The following FHOD3 variants were observed in gnomAD, a reference collection of about 807,000 sequenced individuals.
FHOD3 encodes formin homology 2 domain containing 3, also known as FH1/FH2 domain-containing protein 3.
A neutral mutation model predicts 173.0 loss-of-function variants in FHOD3; 90 were observed. The observed-to-expected ratio is 0.52, with a 90% CI of 0.44 to 0.62. The LOEUF is 0.62. FHOD3 is among the 20% of genes least tolerant of loss of function. The pLI, the probability that FHOD3 is intolerant of heterozygous loss-of-function variation, is 0.00. For missense variants in FHOD3, 1,945 were observed against 2,034.7 expected (o/e 0.96, Z 0.85); for synonymous variants, 828 against 823.0 (o/e 1.01, Z -0.10).
chr18:36,487,098 G>T (rs2054232695), intron 3 of FHOD3, among the ~76,000 whole-genome samples: 1 of 152,138 alleles, frequency 6.6e-6, no homozygotes, highest in South Asian at 2.1e-4. Flanking sequence ...TCTGAGTAAA[G>T]CTTCTATGAA....
intron 14 of FHOD3, among the ~76,000 whole-genome samples, chr18:36,668,739 C>T (rs2037344498): frequency 6.6e-6 from 1 of 151,922 alleles, no homozygotes; most frequent in Admixed American, 6.6e-5. Context: ...AGTCTTTACC[C>T]CATGGGTTAT....
At chr18:36,667,232 A>G (rs1289111056) in intron 14 of FHOD3, among the ~76,000 whole-genome samples, 2 of 152,206 alleles carry the variant, frequency 1.3e-5, no homozygotes, top group Non-Finnish European at 2.9e-5. Flanking sequence ...TCGTCACTTA[A>G]TGATGGGGCT....
intron 6 of FHOD3, among the ~76,000 whole-genome samples, chr18:36,590,247 A>T (rs2059169212): frequency 6.6e-6 from 1 of 152,300 alleles, no homozygotes; most frequent in African/African-American, 2.4e-5. Flanking sequence ...GAGCTATGGG[A>T]TGAGCAGTGT....
At chr18:36,708,437 T>G (rs1381099793) in intron 17 of FHOD3, among the ~76,000 whole-genome samples, 3 of 152,262 alleles carry the variant, frequency 2.0e-5, no homozygotes, top group Non-Finnish European at 4.4e-5. Flanking sequence ...CGTATTGCTG[T>G]GTAACAAGTT....
intron 1 of FHOD3, among the ~76,000 whole-genome samples, chr18:36,321,315 G>A (rs1335961568): frequency 6.6e-6 from 1 of 151,964 alleles, no homozygotes; most frequent in Non-Finnish European, 1.5e-5. Context: ...TCCCATGTGT[G>A]GGCTATAGGA....
chr18:36,488,638 C>T (rs1231227545), intron 3 of FHOD3, among the ~76,000 whole-genome samples: 2 of 152,204 alleles, frequency 1.3e-5, no homozygotes, highest in Non-Finnish European at 2.9e-5. Flanking sequence ...GAGTATCTAG[C>T]TTGTGCCAGG....
chr18:36,393,144 C>T (rs2048381263), intron 3 of FHOD3, among the ~76,000 whole-genome samples: 4 of 152,232 alleles, frequency 2.6e-5, no homozygotes, highest in African/African-American at 9.6e-5. Context: ...GCCATGCTGG[C>T]CACATGCTTC....
chr18:36,465,439 G>A (rs934127747), intron 3 of FHOD3, among the ~76,000 whole-genome samples: 2 of 152,198 alleles, frequency 1.3e-5, no homozygotes, highest in Non-Finnish European at 2.9e-5. Flanking sequence ...ACTGGCGAGG[G>A]CTGAGGCTGT....
chr18:36,512,133 C>G (rs911782140), intron 4 of FHOD3, among the ~76,000 whole-genome samples: 1 of 152,228 alleles, frequency 6.6e-6, no homozygotes, highest in Non-Finnish European at 1.5e-5. Context: ...GGGAGTAGAG[C>G]CTGGTGTTTC....
At chr18:36,620,957 G>A (rs978934052) in intron 9 of FHOD3, among the ~76,000 whole-genome samples, 3 of 152,190 alleles carry the variant, frequency 2.0e-5, no homozygotes, top group Admixed American at 6.5e-5. Flanking sequence ...AGCTTGGTTA[G>A]CCTTCTAGAA....
chr18:36,585,448 GA>G (rs925385419), intron 6 of FHOD3, among the ~76,000 whole-genome samples: 2 of 151,220 alleles, frequency 1.3e-5, no homozygotes, highest in Admixed American at 6.6e-5. Flanking sequence ...ATCTCAGTAG[GA>G]AAAAAAAGGG....
chr18:36,482,115 G>A (rs1249264189), intron 3 of FHOD3, among the ~76,000 whole-genome samples: 1 of 152,180 alleles, frequency 6.6e-6, no homozygotes, highest in East Asian at 1.9e-4. Flanking sequence ...GAGGGAAGGA[G>A]GGGGAGGGTA....
At chr18:36,580,836 A>G (rs1330614938) in intron 6 of FHOD3, among the ~76,000 whole-genome samples, 2 of 152,228 alleles carry the variant, frequency 1.3e-5, no homozygotes, top group Non-Finnish European at 2.9e-5. Context: ...CAGCAAAGCC[A>G]GGGGCCCTAG....
chr18:36,553,344 A>G (rs1001360223), intron 5 of FHOD3, among the ~76,000 whole-genome samples: 4 of 152,316 alleles, frequency 2.6e-5, no homozygotes, highest in African/African-American at 7.2e-5. Context: ...AAAATGAGTT[A>G]GGGAGGATTC....
At chr18:36,538,816 TTC>T (rs1242822938) in intron 5 of FHOD3, among the ~76,000 whole-genome samples, 17 of 152,068 alleles carry the variant, frequency 1.1e-4, no homozygotes. Flanking sequence ...CATGAGAGTG[TTC>T]TTTGTGGCGA....
intron 27 of FHOD3, among the ~76,000 whole-genome samples, chr18:36,768,621 T>C (rs771961129): frequency 1.3e-5 from 2 of 152,180 alleles, no homozygotes; most frequent in Non-Finnish European, 2.9e-5. Context: ...CTACAGAAAA[T>C]GTTGAGGGAG....
intron 16 of FHOD3, among the ~76,000 whole-genome samples, chr18:36,689,511 A>G (rs1200311499): frequency 1.3e-5 from 2 of 152,238 alleles, no homozygotes; most frequent in South Asian, 2.1e-4. Flanking sequence ...CAGACAAACT[A>G]TGTTATTGGC....
At chr18:36,384,303 C>T (rs994393096) in intron 3 of FHOD3, among the ~76,000 whole-genome samples, 3 of 151,882 alleles carry the variant, frequency 2.0e-5, no homozygotes, top group Admixed American at 1.3e-4. Flanking sequence ...TGGTGTGAAC[C>T]CAGGAGGCGG....
rs2038250190 is a variant in FHOD3, at chr18:36,681,662, A to G, written c.1970+92A>G. 4 of 1,374,898 alleles carry G rather than the reference A, an allele frequency of 2.9e-6. No individual in the cohort carries two copies. The South Asian group carries it at 6.0e-5, about 21-fold the overall frequency. 85.2% of individuals were successfully genotyped at this position (1,374,898 alleles called of 1,614,324 possible). On this transcript the variant is annotated intron_variant, in intron 15 of 28. Transcript: ENST00000590592. Reference sequence around the variant, plus strand: ...TGTATACATTTAATATTGGCATTAAAGGAAGTAATGAAAATTCTGTCTGTA... The same window carrying G: ...TGTATACATTTAATATTGGCATTAAGGGAAGTAATGAAAATTCTGTCTGTA...
Sources: allele counts gnomAD v4.1 joint callset (sites outside exome capture counted in the v4.1 genomes callset), GRCh38; gene constraint gnomAD v4.1.1; transcripts MANE v1.5; gene names NCBI Gene and HGNC (gene_info 2026-07-23, HGNC 2026-07-21).